The following TP63 variants were observed in gnomAD, a reference collection of about 807,000 sequenced individuals.
TP63 encodes tumor protein p63, also known as tumor protein 63.
In TP63, 17 loss-of-function variants were observed where a neutral mutation model predicts 82.8. The ratio of observed to expected loss-of-function variants is 0.21; its 90% CI spans 0.14 to 0.31. The LOEUF (loss-of-function observed/expected upper bound fraction) is 0.31, where lower values mean the gene tolerates loss of function less well. Ranked by LOEUF, TP63 falls within the 10% of genes least tolerant of loss-of-function variation. TP63 has a pLI of 1.00. For missense variants in TP63, 648 were observed against 895.3 expected, an observed-to-expected ratio of 0.72 and a Z score of 3.52; for synonymous variants, 330 against 321.7, an observed-to-expected ratio of 1.03 and a Z score of -0.28.
chr3:189,736,430 A>G lies in TP63; in HGVS notation c.63-1310A>G, dbSNP rs75485829. Among the ~76,000 whole-genome samples, 370 of 152,196 alleles carry G rather than the reference A, an allele frequency of 2.4e-3. 1 individual carries two copies. Among genetic ancestry groups the G allele is most frequent in the Non-Finnish European group, 4.3e-3 (289 of 67,932 alleles). On this transcript the variant is annotated intron_variant, in intron 1 of 13. Coordinates refer to ENST00000264731, the MANE Select transcript of TP63 (RefSeq NM_003722.5). ...CATAGAGTGCCCACTGTGTACCATTAGCTCTTACCTGACCTTCCTAATTTT... is the reference window on the plus strand; with the variant it reads ...CATAGAGTGCCCACTGTGTACCATTGGCTCTTACCTGACCTTCCTAATTTT...
the TP63 span, among the ~76,000 whole-genome samples, chr3:189,621,541 A>G: frequency 6.6e-6 from 1 of 151,736 alleles, no homozygotes; most frequent in African/African-American, 2.4e-5. Context: ...ATATACACAT[A>G]TGAATATAAG....
intron 1 of TP63, among the ~76,000 whole-genome samples, chr3:189,678,795 G>A (rs923322791): frequency 2.0e-5 from 3 of 151,914 alleles, no homozygotes; most frequent in African/African-American, 7.2e-5. Flanking sequence ...TCAGTGTTTT[G>A]TAGTTTTCCT....
intron 3 of TP63, among the ~76,000 whole-genome samples, chr3:189,739,047 T>C (rs919011971): frequency 3.9e-5 from 6 of 152,172 alleles, no homozygotes; most frequent in South Asian, 2.1e-4. Flanking sequence ...AACCCCAATT[T>C]AGAAAAGATG....
chr3:189,616,563 C>T, the TP63 span, among the ~76,000 whole-genome samples: 1 of 152,188 alleles, frequency 6.6e-6, no homozygotes, highest in Non-Finnish European at 1.5e-5. Context: ...AAACATTGCT[C>T]ATATAACTGC....
rs543567509 is a variant in TP63, at chr3:189,848,067, C to T, written c.580-16165C>T. Among the ~76,000 whole-genome samples the T allele has an allele frequency of 9.8e-5, 15 of 152,288 alleles. No individual in the cohort carries two copies. In the South Asian group the frequency reaches 2.9e-3, roughly 29 times the overall value. ...TGGGGAAGAACACTGGTCTGTATGT[C>T]AAGATGGTCCCAGTTACTGAGAACT... is the stretch of plus-strand genomic sequence containing the variant. On this transcript the variant is annotated intron_variant, in intron 4 of 13. Coordinates refer to ENST00000264731, the MANE Select transcript of TP63 (RefSeq NM_003722.5).
intron 1 of TP63, among the ~76,000 whole-genome samples, chr3:189,681,238 A>C (rs1437450977): frequency 6.6e-6 from 1 of 151,458 alleles, no homozygotes; most frequent in Non-Finnish European, 1.5e-5. Context: ...ATAATCTTTC[A>C]CCTGGTTTTC....
chr3:189,737,836 G>C lies in TP63; in HGVS notation c.159G>C (p.Glu53Asp), dbSNP rs924896139. ...AGACAAATGAATTCCTCAGTCCAGA[G>C]GTTTTCCAGCATATCTGGGATTTTC... The part of the protein sequence containing the change: ...STQTNEFLSP[E>D]VFQHIWDFLE... The change falls in exon 2 of 14, where the codon GAG (glutamate) becomes GAC (aspartate). Residue 53 changes from glutamate (E) to aspartate (D), a missense_variant. By Grantham distance (45) the Glu-to-Asp change is conservative. Transcript: ENST00000264731. 2.5e-6 allele frequency: 4 copies of C among 1,613,892 alleles called. No individual in the cohort carries two copies. Among genetic ancestry groups the C allele is most frequent in the Admixed American group, 3.3e-5 (2 of 60,018 alleles).
chr3:189,642,764 A>G (rs1433013247), intron 1 of TP63, among the ~76,000 whole-genome samples: 1 of 152,130 alleles, frequency 6.6e-6, no homozygotes, highest in Non-Finnish European at 1.5e-5. Flanking sequence ...GCTGGTAGTT[A>G]TGGGTAGGAT....
intron 4 of TP63, among the ~76,000 whole-genome samples, chr3:189,831,283 G>T (rs1391942246): frequency 6.6e-6 from 1 of 152,126 alleles, no homozygotes; most frequent in Non-Finnish European, 1.5e-5. Context: ...ACTTGAGTTG[G>T]TTATTGATCC....
the TP63 span, among the ~76,000 whole-genome samples, chr3:189,623,463 T>G: frequency 6.6e-6 from 1 of 152,186 alleles, no homozygotes; most frequent in African/African-American, 2.4e-5. Flanking sequence ...CATTACTAAC[T>G]TGGGGTCACA....
At chr3:189,808,100 G>C (rs1303095852) in intron 3 of TP63, among the ~76,000 whole-genome samples, 172 bp from the exon 4 acceptor site, 2 of 152,208 alleles carry the variant, frequency 1.3e-5, no homozygotes, top group Non-Finnish European at 2.9e-5. Context: ...CACATGCTCA[G>C]ACTTCTCTTG....
intron 3 of TP63, among the ~76,000 whole-genome samples, chr3:189,806,656 T>C (rs989972108): frequency 6.6e-6 from 1 of 152,182 alleles, no homozygotes; most frequent in East Asian, 1.9e-4. Context: ...GGATAGCAGC[T>C]ATAGAAGTCA....
intron 1 of TP63, among the ~76,000 whole-genome samples, chr3:189,734,635 A>G (rs1720440566): frequency 6.6e-6 from 1 of 152,040 alleles, no homozygotes; most frequent in Non-Finnish European, 1.5e-5. Flanking sequence ...TGTCTGACCC[A>G]CTCAATTTTC....
intron 3 of TP63, among the ~76,000 whole-genome samples, chr3:189,788,365 G>A (rs1475179252): frequency 6.6e-6 from 1 of 151,952 alleles, no homozygotes; most frequent in East Asian, 1.9e-4. Flanking sequence ...AAATTTTATG[G>A]ATGCAAAAGT....
At chr3:189,848,239 T>TCTCTCTCTCTCTCTCTCTCTCTC (rs372147574) in intron 4 of TP63, among the ~76,000 whole-genome samples, 21 of 96,022 alleles carry the variant, frequency 2.2e-4, no homozygotes, top group African/African-American at 8.1e-4. Flanking sequence ...CTCCTCCTCC[T>TCTCTCTCTCTCTCTCTCTCTCTC]TCTCTCTCTC....
At chr3:189,625,536 T>G in the TP63 span, among the ~76,000 whole-genome samples, 1 of 152,230 alleles carries the variant, frequency 6.6e-6, no homozygotes, top group East Asian at 1.9e-4. Context: ...AATTGTCAAA[T>G]CTGAATAAGC....
chr3:189,890,732 G>T (rs1359612124), intron 12 of TP63, 57 bp from the exon 13 acceptor site: 2 of 1,536,066 alleles, frequency 1.3e-6, no homozygotes, highest in Non-Finnish European at 9.0e-7. Context: ...CGCCAATGCA[G>T]TTGGGGTGAA....
At chr3:189,828,687 T>C (rs1711822895) in intron 4 of TP63, among the ~76,000 whole-genome samples, 1 of 152,214 alleles carries the variant, frequency 6.6e-6, no homozygotes, top group Non-Finnish European at 1.5e-5. Flanking sequence ...TGTGCCCAAA[T>C]AGCCAATGAT....
intron 3 of TP63, among the ~76,000 whole-genome samples, chr3:189,746,498 TA>T (rs1721387077): frequency 6.7e-6 from 1 of 150,092 alleles, no homozygotes; most frequent in Admixed American, 6.6e-5. Flanking sequence ...ACAACAAACA[TA>T]AAAACAAAGA....
Sources: gnomAD v4.1 joint callset for allele counts (sites outside exome capture counted in the v4.1 genomes callset) on GRCh38, gnomAD v4.1.1 for gene constraint, MANE v1.5 for transcripts, NCBI Gene and HGNC (gene_info 2026-07-23, HGNC 2026-07-21) for gene names.